The following CASR variants were observed in gnomAD, a reference collection of about 807,000 sequenced individuals.
CASR encodes the protein extracellular calcium-sensing receptor.
In CASR, 23 loss-of-function variants were observed where a neutral mutation model predicts 69.1. The observed-to-expected ratio is 0.33, with a 90% confidence interval of 0.24 to 0.47. The LOEUF is 0.47. Among genes scored for constraint, CASR ranks in the 20% least tolerant of loss-of-function variants. The pLI, the probability that CASR is intolerant of heterozygous loss-of-function variation, is 1.00. For missense variants in CASR, 924 were observed against 1,356.1 expected, an observed-to-expected ratio of 0.68 and a Z score of 5.00; for synonymous variants, 541 against 544.7, an observed-to-expected ratio of 0.99 and a Z score of 0.10.
At chr3:122,260,294 A>G (rs1477659120) in intron 3 of CASR, among the ~76,000 whole-genome samples, 1 of 152,230 alleles carries the variant, frequency 6.6e-6, no homozygotes, top group East Asian at 1.9e-4. Flanking sequence ...AATGCTTTAC[A>G]TGGTATTTGG....
In CASR at chr3:122,262,133, A is replaced by G; in HGVS notation, c.1098A>G (p.Gly366=). Residue 366 remains glycine, a synonymous_variant, in exon 4 of 7, where the codon GGA becomes GGG. Transcript: ENST00000639785. Reference sequence around the variant, plus strand: ...GCCACCTCCAAGAAGGTGCAAAAGGACCTTTACCTGTGGACACCTTTCTGA... The same window carrying G: ...GCCACCTCCAAGAAGGTGCAAAAGGGCCTTTACCTGTGGACACCTTTCTGA... The part of the protein sequence containing the change: ...FNCHLQEGAK[G]PLPVDTFLRG... The G allele has an allele frequency of 6.2e-7, 1 of 1,614,150 alleles. No homozygotes were observed. The highest frequency in any genetic ancestry group is 1.3e-5 in the African/African-American group (1 of 75,024).
At chr3:122,230,936 C>T (rs528774969) in intron 1 of CASR, among the ~76,000 whole-genome samples, 34 of 152,272 alleles carry the variant, frequency 2.2e-4, no homozygotes, top group Middle Eastern at 3.4e-3. Flanking sequence ...ATTGACCTAT[C>T]GGATTGATAC....
At chr3:122,202,073 G>C (rs1328806014) in intron 1 of CASR, among the ~76,000 whole-genome samples, 6 of 152,132 alleles carry the variant, frequency 3.9e-5, no homozygotes, top group African/African-American at 1.4e-4. Context: ...CAGGCGGCTG[G>C]GAGGTGGAGG....
At chr3:122,198,472 A>C (rs72967358) in intron 1 of CASR, among the ~76,000 whole-genome samples, 28,367 of 152,086 alleles carry the variant, frequency 0.19, 3,796 homozygotes, top group African/African-American at 0.37. Context: ...TAAAAGTTGC[A>C]GACCAGAATG....
chr3:122,216,311 T>G (rs2074117184), intron 1 of CASR, among the ~76,000 whole-genome samples: 1 of 152,138 alleles, frequency 6.6e-6, no homozygotes, highest in Non-Finnish European at 1.5e-5. Context: ...TTTACCTGAC[T>G]TTTCCAGTAC....
At chr3:122,206,044 A>G (rs769572133) in intron 1 of CASR, among the ~76,000 whole-genome samples, 6 of 152,010 alleles carry the variant, frequency 3.9e-5, no homozygotes, top group Non-Finnish European at 5.9e-5. Context: ...TTCCTTTCCT[A>G]TTTGGATGTT....
chr3:122,279,694 A>G (rs1259113369), intron 5 of CASR, among the ~76,000 whole-genome samples: 1 of 152,236 alleles, frequency 6.6e-6, no homozygotes. Context: ...TTAACCTCTC[A>G]GGTTTTAACC....
At chr3:122,216,732 T>C (rs1022114901) in intron 1 of CASR, among the ~76,000 whole-genome samples, 1 of 152,212 alleles carries the variant, frequency 6.6e-6, no homozygotes, top group Non-Finnish European at 1.5e-5. Context: ...GGTGTTATTA[T>C]TATTAATACA....
chr3:122,206,896 T>A (rs1175405768), intron 1 of CASR, among the ~76,000 whole-genome samples: 1 of 152,102 alleles, frequency 6.6e-6, no homozygotes, highest in Non-Finnish European at 1.5e-5. Context: ...TTCTTTGTAA[T>A]TCTTCAGTCT....
intron 1 of CASR, among the ~76,000 whole-genome samples, chr3:122,238,117 C>T (rs1040819252): frequency 2.0e-5 from 3 of 152,160 alleles, no homozygotes; most frequent in South Asian, 2.1e-4. Flanking sequence ...TCACAGCACC[C>T]GGTGCTAATT....
chr3:122,275,717 C>A, intron 4 of CASR, 95 bp from the exon 5 acceptor site: 1 of 849,896 alleles, frequency 1.2e-6, no homozygotes, highest in South Asian at 1.4e-5. Context: ...TTTGTTGGAA[C>A]AAGATAGTCT....
chr3:122,245,023 G>C (rs1292366634), intron 1 of CASR, among the ~76,000 whole-genome samples: 1 of 152,084 alleles, frequency 6.6e-6, no homozygotes, highest in East Asian at 1.9e-4. Context: ...ACTTGTCTGT[G>C]TGTATCTATG....
intron 1 of CASR, among the ~76,000 whole-genome samples, chr3:122,190,084 C>T (rs1326451358): frequency 6.6e-6 from 1 of 152,042 alleles, no homozygotes; most frequent in Admixed American, 6.6e-5. Context: ...AGGGTGCAAG[C>T]TGATCTTAAA....
chr3:122,282,052 G>C (rs1183746616), intron 5 of CASR, 61 bp from the exon 6 acceptor site: 2 of 1,613,378 alleles, frequency 1.2e-6, no homozygotes, highest in Non-Finnish European at 1.7e-6. Context: ...TGAAGAGACA[G>C]TAGGGCTGGC....
intron 1 of CASR, among the ~76,000 whole-genome samples, chr3:122,233,354 C>T (rs1391002792): frequency 6.6e-6 from 1 of 152,230 alleles, no homozygotes; most frequent in Non-Finnish European, 1.5e-5. Context: ...ACTTTGCTCT[C>T]CTGGTGTCTC....
chr3:122,227,480 C>T lies in CASR; in HGVS notation c.-242-26468C>T, dbSNP rs7649887. On this transcript the variant is annotated intron_variant, in intron 1 of 6. Coordinates refer to ENST00000639785, the MANE Select transcript of CASR (RefSeq NM_000388.4). ...CAGCCAGCTGCTCCAAGTGCAGGGC[C>T]GCTGAGCCCACAGTCACCCAGAACT... Among the ~76,000 whole-genome samples, 701 of 152,342 alleles carry T rather than the reference C, an allele frequency of 4.6e-3. 4 individuals carry two copies. Among genetic ancestry groups the T allele is most frequent in the African/African-American group, 0.016 (667 of 41,584 alleles).
At chr3:122,190,615 A>G (rs891711816) in intron 1 of CASR, among the ~76,000 whole-genome samples, 9 of 152,232 alleles carry the variant, frequency 5.9e-5, no homozygotes, top group Non-Finnish European at 8.8e-5. Context: ...AAGCTCATCA[A>G]GCATAGACAG....
At chr3:122,199,637 T>A (rs2073922813) in intron 1 of CASR, among the ~76,000 whole-genome samples, 2 of 152,120 alleles carry the variant, frequency 1.3e-5, no homozygotes, top group South Asian at 4.1e-4. Context: ...TTTTGCAGAA[T>A]GTGAGGGTTT....
intron 1 of CASR, among the ~76,000 whole-genome samples, chr3:122,214,209 A>C (rs1217825970): frequency 1.3e-5 from 2 of 152,058 alleles, no homozygotes; most frequent in Non-Finnish European, 2.9e-5. Flanking sequence ...AAGATTCTTT[A>C]ATGGAGCGTA....
Sources: allele counts gnomAD v4.1 joint callset (sites outside exome capture counted in the v4.1 genomes callset), GRCh38; gene constraint gnomAD v4.1.1; transcripts MANE v1.5; gene names NCBI Gene and HGNC (gene_info 2026-07-23, HGNC 2026-07-21).